The following SHF variants were observed in gnomAD, a reference collection of about 807,000 sequenced individuals.
SHF encodes the protein Src homology 2 domain containing F.
In SHF, 30 loss-of-function variants were observed where a neutral mutation model predicts 42.4. The ratio of observed to expected loss-of-function variants is 0.71; its 90% CI spans 0.53 to 0.96. The LOEUF (loss-of-function observed/expected upper bound fraction) is 0.96. SHF is among the 40% of genes least tolerant of loss of function. SHF has a pLI of 0.00. For synonymous variants in SHF, 264 were observed against 269.9 expected (o/e 0.98, Z 0.21); for missense variants, 598 against 634.0 (o/e 0.94, Z 0.61).
Position 45,171,921 on chromosome 15 carries a change from G to C in SHF, c.1242C>G (p.Asn414Lys). ...AGAAGTCATTCTTGCTGGTCTCACT[G>C]TTGCGCACCAGGTAGCTGGCCTCTT... is the stretch of plus-strand genomic sequence containing the variant. ...LCKEASYLVR[N>K]SETSKNDFSL... Residue 414 changes from asparagine (N) to lysine (K), a missense_variant, in exon 6 of 7, where the codon AAC (asparagine) becomes AAG (lysine). Physicochemically the swap from Asn to Lys is moderately conservative, Grantham distance 94. This residue lies in a region of SHF where 439 missense variants were observed against 524.6 expected (regional missense o/e 0.84). Coordinates refer to ENST00000690270, the MANE Select transcript of SHF (RefSeq NM_001394037.1). 6 of 1,613,832 alleles carry C rather than the reference G, an allele frequency of 3.7e-6. No individual in the cohort carries two copies. The highest frequency in any genetic ancestry group is 5.1e-6 in the Non-Finnish European group (6 of 1,179,876).
At chr15:45,172,357 A>G in intron 4 of SHF, 39 bp from the exon 5 acceptor site, 3 of 1,508,384 alleles carry the variant, frequency 2.0e-6, no homozygotes, top group Non-Finnish European at 8.9e-7. Context: ...TAAGGACCCT[A>G]GAGGTCCTCA....
chr15:45,173,663 C>T lies in SHF; in HGVS notation c.901G>A (p.Asp301Asn), dbSNP rs1897644650. 6.4e-7 allele frequency: 1 copy of T among 1,551,636 alleles called. No individual in the cohort carries two copies. The highest frequency in any genetic ancestry group is 8.7e-7 in the Non-Finnish European group (1 of 1,146,950). ...LPWPPPVGQL[D>N]SSPSLPDGDR... ...CCATCAGGCAGGGAGGGGCTGCTGTCCAGCTGTCCCACAGGTGGAGGCCAA... is the reference window on the plus strand; with the variant it reads ...CCATCAGGCAGGGAGGGGCTGCTGTTCAGCTGTCCCACAGGTGGAGGCCAA... Residue 301 changes from aspartate to asparagine, a missense_variant, in exon 4 of 7, where the codon GAC (aspartate) becomes AAC (asparagine). Physicochemically the swap from Asp to Asn is conservative, Grantham distance 23. This residue lies in a region of SHF where 439 missense variants were observed against 524.6 expected (regional missense o/e 0.84). Coordinates refer to ENST00000690270, the MANE Select transcript of SHF (RefSeq NM_001394037.1).
Position 45,167,246 on chromosome 15 carries a change from A to G in SHF, c.*701T>C, listed in dbSNP as rs1467474792. 1.3e-5 allele frequency: 2 copies of G among 151,980 alleles called. No individual in the cohort carries two copies. Among genetic ancestry groups the G allele is most frequent in the African/African-American group, 4.8e-5 (2 of 41,366 alleles). The allele number at this position is 151,980 out of a possible 1,614,324, so 9.4% of individuals were successfully genotyped here. ...CACAGCCGGGCTGTGTCTGCTCCAGAGCTGATTTATACGCAGAATCTGCGC... is the reference window on the plus strand; with the variant it reads ...CACAGCCGGGCTGTGTCTGCTCCAGGGCTGATTTATACGCAGAATCTGCGC... On this transcript the variant is annotated 3_prime_UTR_variant, in exon 7 of 7. Transcript: ENST00000690270.
upstream of SHF, among the ~76,000 whole-genome samples, chr15:45,192,596 C>T (rs1898741118): frequency 6.6e-6 from 1 of 152,078 alleles, no homozygotes. Flanking sequence ...TGGTCTCGAA[C>T]TCCTGACCTC....
chr15:45,168,666 A>AC (rs1311849929), intron 6 of SHF, among the ~76,000 whole-genome samples: 1 of 151,332 alleles, frequency 6.6e-6, no homozygotes, highest in Non-Finnish European at 1.5e-5. Context: ...GATCTGGAAG[A>AC]CCCCCCAAAA....
At chr15:45,176,425 A>G (rs979716298) in intron 2 of SHF, among the ~76,000 whole-genome samples, 1 of 150,782 alleles carries the variant, frequency 6.6e-6, no homozygotes, top group Non-Finnish European at 1.5e-5. Context: ...TGCTTCTCCA[A>G]AATGACTATT....
intron 2 of SHF, among the ~76,000 whole-genome samples, chr15:45,196,554 A>G (rs767543123): frequency 3.9e-5 from 6 of 152,168 alleles, no homozygotes; most frequent in Non-Finnish European, 8.8e-5. Flanking sequence ...CGAAGCCCCA[A>G]GTCAGTTGCT....
At chr15:45,198,638 CG>C (rs1898956499) in intron 2 of SHF, 13 of 1,132,616 alleles carry the variant, frequency 1.1e-5, no homozygotes, top group Non-Finnish European at 1.6e-5. Context: ...GAGGTTGCTG[CG>C]GCCACAACGC....
intron 1 of SHF, chr15:45,200,625 G>C (rs1899059399): frequency 4.7e-6 from 2 of 429,112 alleles, no homozygotes; most frequent in Non-Finnish European, 9.4e-6. Flanking sequence ...GCACGCAAGA[G>C]CATTAATCTC....
At chr15:45,184,044 C>A (rs573756184) in intron 1 of SHF, among the ~76,000 whole-genome samples, 1 of 152,388 alleles carries the variant, frequency 6.6e-6, no homozygotes, top group African/African-American at 2.4e-5. Flanking sequence ...TCTACAGACT[C>A]TGTGGAAGTC....
rs1392628064 is a variant in SHF at position 45,187,736 on chromosome 15, G to C, written c.216C>G (p.Pro72=). The change falls in exon 1 of 7, where the codon CCC becomes CCG. Residue 72 remains proline (P), a synonymous_variant. Coordinates refer to ENST00000690270, the MANE Select transcript of SHF (RefSeq NM_001394037.1). ...GGGGGSKPAP[P]EPDYRPPAPS... ...GCGCAGGGGGGCGGTAGTCGGGCTC[G>C]GGGGGCGCCGGCTTGCTGCCCCCTC... 1.4e-5 allele frequency: 14 copies of C among 977,018 alleles called. No individual in the cohort carries two copies. Among genetic ancestry groups the C allele is most frequent in the South Asian group, 5.1e-5 (1 of 19,630 alleles). The allele number at this position is 977,018 out of a possible 1,614,324, so 60.5% of individuals were successfully genotyped here. A position where few individuals can be genotyped will look rare whatever the true frequency, so the allele number is the denominator to read the frequency against.
At chr15:45,186,406 A>C (rs1898403164) in intron 1 of SHF, among the ~76,000 whole-genome samples, 1 of 152,202 alleles carries the variant, frequency 6.6e-6, no homozygotes. Context: ...TCAAATAAAA[A>C]TGTTCTTCTC....
upstream of SHF, among the ~76,000 whole-genome samples, chr15:45,192,761 GTTGC>G (rs1165599244): frequency 6.6e-6 from 1 of 152,074 alleles, no homozygotes; most frequent in African/African-American, 2.4e-5. Flanking sequence ...CTATTCTTTT[GTTGC>G]TAGTTTGTTT....
rs573862899 is a variant in SHF, at chr15:45,186,873, G to C, written c.498+581C>G. The stretch of plus-strand genomic sequence containing the variant: ...CGCCTCCTGAGAACAACAGCCTATA[G>C]GGCAAAGGCCAGCTCGTGCTGTGTC... On this transcript the variant is annotated intron_variant, in intron 1 of 6. Coordinates refer to ENST00000690270, the MANE Select transcript of SHF (RefSeq NM_001394037.1). 6.6e-5 allele frequency among the ~76,000 whole-genome samples: 10 copies of C among 152,376 alleles called. No homozygotes were observed. In the South Asian group the frequency reaches 2.1e-3, roughly 32 times the overall value.
chr15:45,186,705 A>G (rs1898426227), intron 1 of SHF, among the ~76,000 whole-genome samples: 1 of 152,228 alleles, frequency 6.6e-6, no homozygotes, highest in Non-Finnish European at 1.5e-5. Flanking sequence ...GGAGAGGAGG[A>G]ATGGGCTCAG....
chr15:45,172,076 C>T (rs1183056597), intron 5 of SHF, 71 bp downstream of exon 5: 3 of 1,613,722 alleles, frequency 1.9e-6, no homozygotes, highest in Admixed American at 1.7e-5. Flanking sequence ...TTGTGGGTGT[C>T]CCCTGTAGGG....
intron 1 of SHF, among the ~76,000 whole-genome samples, chr15:45,183,552 T>G (rs1898231313): frequency 6.6e-6 from 1 of 152,234 alleles, no homozygotes. Flanking sequence ...GGCCCCACTT[T>G]TGCTCTCACA....
At chr15:45,190,375 A>G (rs533529854), upstream of SHF, among the ~76,000 whole-genome samples, 1 of 152,350 alleles carries the variant, frequency 6.6e-6, no homozygotes, top group Admixed American at 6.5e-5. Flanking sequence ...GAGGGCATGG[A>G]TAGGTAACTA....
chr15:45,171,738 A>T, intron 6 of SHF, 145 bp downstream of exon 6: 2 of 785,466 alleles, frequency 2.5e-6, no homozygotes, highest in Non-Finnish European at 2.0e-6. Context: ...GCAGGGGCTG[A>T]GTCTCAGACA....
Sources: allele counts gnomAD v4.1 joint callset (sites outside exome capture counted in the v4.1 genomes callset), GRCh38; gene constraint gnomAD v4.1.1; regional missense constraint gnomAD v4.1.1; transcripts MANE v1.5; gene names NCBI Gene and HGNC (gene_info 2026-07-23, HGNC 2026-07-21).